GRM5: variants seen among roughly 807,000 people sequenced by gnomAD.
The protein encoded by GRM5 is metabotropic glutamate receptor 5.
In GRM5, 19 loss-of-function variants were observed where a neutral mutation model predicts 83.1. That is an observed-to-expected ratio of 0.23 (90% CI 0.16 to 0.34). The LOEUF is 0.34. Among genes scored for constraint, GRM5 ranks in the 10% least tolerant of loss-of-function variants. GRM5 has a pLI of 1.00. For missense variants in GRM5, 1,160 were observed against 1,588.3 expected (o/e 0.73, Z 4.58); for synonymous variants, 675 against 633.6 (o/e 1.07, Z -0.98).
At chr11:88,805,151 A>G (rs1943477191) in intron 3 of GRM5, among the ~76,000 whole-genome samples, 1 of 152,124 alleles carries the variant, frequency 6.6e-6, no homozygotes, top group East Asian at 1.9e-4. Context: ...GCATCAACTC[A>G]TGAGTGCTGA....
intron 4 of GRM5, among the ~76,000 whole-genome samples, chr11:88,638,440 G>T (rs145598317): frequency 6.6e-6 from 1 of 150,686 alleles, no homozygotes; most frequent in South Asian, 2.1e-4. Flanking sequence ...TTGTTTGTTT[G>T]TTTTGTTTTC....
intron 3 of GRM5, among the ~76,000 whole-genome samples, chr11:88,692,958 C>A (rs565826865): frequency 6.6e-6 from 1 of 152,108 alleles, no homozygotes; most frequent in South Asian, 2.1e-4. Context: ...AGAAGGCTGG[C>A]AATTTTATAG....
At chr11:88,998,058 G>A (rs779801950) in intron 2 of GRM5, among the ~76,000 whole-genome samples, 32 of 150,514 alleles carry the variant, frequency 2.1e-4, no homozygotes, top group Non-Finnish European at 3.8e-4. Context: ...AATATGAGAG[G>A]CGGAGAGAGA....
chr11:88,581,829 T>C (rs1029520897), intron 7 of GRM5, among the ~76,000 whole-genome samples: 1 of 152,212 alleles, frequency 6.6e-6, no homozygotes, highest in African/African-American at 2.4e-5. Context: ...AAAAAATATT[T>C]TGAGACACAC....
At chr11:88,668,019 C>G (rs919526630) in intron 3 of GRM5, among the ~76,000 whole-genome samples, 1 of 151,796 alleles carries the variant, frequency 6.6e-6, no homozygotes, top group Non-Finnish European at 1.5e-5. Context: ...AAGTTATACA[C>G]TAAAAAGTAA....
At chr11:88,900,508 A>G (rs1252563293) in intron 2 of GRM5, among the ~76,000 whole-genome samples, 1 of 152,206 alleles carries the variant, frequency 6.6e-6, no homozygotes, top group Non-Finnish European at 1.5e-5. Context: ...TGAAAATATT[A>G]TATACCTAAA....
intron 3 of GRM5, among the ~76,000 whole-genome samples, chr11:88,754,329 T>G (rs1942351176): frequency 6.6e-6 from 1 of 152,060 alleles, no homozygotes; most frequent in Non-Finnish European, 1.5e-5. Flanking sequence ...GATGCAAGGC[T>G]TATTACCTAG....
At chr11:88,911,454 A>G (rs190795448) in intron 2 of GRM5, among the ~76,000 whole-genome samples, 7 of 152,300 alleles carry the variant, frequency 4.6e-5, no homozygotes, top group Non-Finnish European at 7.4e-5. Context: ...ATGAGAAAGC[A>G]TATAGATTTT....
chr11:88,989,138 T>C (rs1255823885), intron 2 of GRM5, among the ~76,000 whole-genome samples: 1 of 149,930 alleles, frequency 6.7e-6, no homozygotes, highest in Non-Finnish European at 1.5e-5. Flanking sequence ...GAGACACACA[T>C]AGGCTCAAAA....
chr11:88,652,138 G>A (rs2135304785), intron 4 of GRM5, among the ~76,000 whole-genome samples: 1 of 152,118 alleles, frequency 6.6e-6, no homozygotes, highest in South Asian at 2.1e-4. Flanking sequence ...ACTTATCAGA[G>A]CAAGTATTTA....
At chr11:88,990,274 A>C (rs1344126577) in intron 2 of GRM5, among the ~76,000 whole-genome samples, 2 of 152,162 alleles carry the variant, frequency 1.3e-5, no homozygotes, top group African/African-American at 4.8e-5. Flanking sequence ...GAAATGGATA[A>C]ATTCCTCGAC....
At chr11:88,525,111 C>A (rs1405810673) in intron 9 of GRM5, among the ~76,000 whole-genome samples, 198 bp downstream of exon 9, 2 of 152,186 alleles carry the variant, frequency 1.3e-5, no homozygotes, top group African/African-American at 2.4e-5. Flanking sequence ...GCATCTGGGA[C>A]AGGAGGCTCC....
chr11:88,636,523 C>CA lies in GRM5; in HGVS notation c.1147+16644dup, dbSNP rs201123437. ...CCTGGGTGACAGAGCGAGACTGTCT[C>CA]AAAAAAAAAAAGAGTTTCTGTCTAT... On this transcript the variant is annotated intron_variant, in intron 4 of 9. Transcript: ENST00000305447. Among the ~76,000 whole-genome samples, 1,747 of 139,322 alleles carry CA rather than the reference C, an allele frequency of 0.013. 49 individuals are homozygous for CA. The East Asian group carries it at 0.13, about 10-fold the overall frequency. 91.4% of individuals were successfully genotyped at this position (139,322 alleles called of 152,430 possible). A position where few individuals can be genotyped will look rare whatever the true frequency, so the allele number is the denominator to read the frequency against.
intron 3 of GRM5, among the ~76,000 whole-genome samples, chr11:88,744,529 A>T (rs1214146142): frequency 1.3e-5 from 2 of 152,116 alleles, no homozygotes; most frequent in African/African-American, 4.8e-5. Flanking sequence ...TATGGTATGA[A>T]AATGCACATT....
intron 3 of GRM5, among the ~76,000 whole-genome samples, chr11:88,792,383 C>T (rs976826720): frequency 1.3e-5 from 2 of 151,942 alleles, no homozygotes; most frequent in Non-Finnish European, 2.9e-5. Flanking sequence ...CTTTGGTGCC[C>T]AATCTCTAAA....
intron 7 of GRM5, among the ~76,000 whole-genome samples, chr11:88,586,749 C>T (rs1440613443): frequency 1.3e-5 from 2 of 152,148 alleles, no homozygotes; most frequent in Non-Finnish European, 2.9e-5. Context: ...GGTTAAACTT[C>T]ACATAATATC....
chr11:88,820,407 G>T (rs1268308050), intron 3 of GRM5, among the ~76,000 whole-genome samples: 2 of 142,098 alleles, frequency 1.4e-5, no homozygotes, highest in South Asian at 4.5e-4. Context: ...AATATAATCA[G>T]TAATATCAGT....
intron 2 of GRM5, among the ~76,000 whole-genome samples, chr11:89,011,130 A>G (rs1319613634): frequency 6.6e-6 from 1 of 152,236 alleles, no homozygotes; most frequent in Non-Finnish European, 1.5e-5. Context: ...AACCTCAGTT[A>G]GCTGTAATTA....
chr11:88,965,654 T>C (rs1265942099), intron 2 of GRM5, among the ~76,000 whole-genome samples: 2 of 151,036 alleles, frequency 1.3e-5, no homozygotes, highest in Non-Finnish European at 2.9e-5. Context: ...CAGGTATATA[T>C]CATCAGGAGT....
Sources: allele counts gnomAD v4.1 joint callset (sites outside exome capture counted in the v4.1 genomes callset), GRCh38; gene constraint gnomAD v4.1.1; transcripts MANE v1.5; gene names NCBI Gene and HGNC (gene_info 2026-07-23, HGNC 2026-07-21).